COL25A1: variants seen among roughly 807,000 people sequenced by gnomAD.
COL25A1 encodes collagen alpha-1(XXV) chain.
In COL25A1, 103 loss-of-function variants were observed where a neutral mutation model predicts 128.4. The observed-to-expected ratio is 0.80, with a 90% confidence interval of 0.68 to 0.94. The LOEUF (loss-of-function observed/expected upper bound fraction) is 0.94. Among genes scored for constraint, COL25A1 ranks in the 40% least tolerant of loss-of-function variants. The pLI is 0.00. For synonymous variants in COL25A1, 279 were observed against 277.2 expected (o/e 1.01, Z -0.06); for missense variants, 745 against 840.0 (o/e 0.89, Z 1.40).
chr4:109,162,650 C>A (rs1772687903), intron 3 of COL25A1, among the ~76,000 whole-genome samples: 1 of 152,096 alleles, frequency 6.6e-6, no homozygotes, highest in Non-Finnish European at 1.5e-5. Context: ...AGTATGGGAG[C>A]TATAGAAATA....
intron 3 of COL25A1, among the ~76,000 whole-genome samples, chr4:109,055,455 C>A (rs1039417365): frequency 6.6e-6 from 1 of 152,194 alleles, no homozygotes; most frequent in South Asian, 2.1e-4. Flanking sequence ...TGCCCACAGT[C>A]CCACACAGCA....
chr4:109,212,028 G>A (rs1295984707), intron 3 of COL25A1, among the ~76,000 whole-genome samples: 1 of 151,962 alleles, frequency 6.6e-6, no homozygotes, highest in East Asian at 1.9e-4. Flanking sequence ...AAAACAATAT[G>A]TTATTTTAAT....
intron 32 of COL25A1, among the ~76,000 whole-genome samples, chr4:108,827,702 T>A (rs1269316152): frequency 6.6e-6 from 1 of 152,084 alleles, no homozygotes; most frequent in East Asian, 1.9e-4. Context: ...AGTTTTTAAA[T>A]TATTTGTAGA....
intron 5 of COL25A1, among the ~76,000 whole-genome samples, chr4:109,025,841 G>T (rs563003385): frequency 6.6e-6 from 1 of 151,986 alleles, no homozygotes; most frequent in Non-Finnish European, 1.5e-5. Context: ...CTACCATTTT[G>T]CAGTTGAACA....
chr4:108,824,075 G>C, intron 35 of COL25A1, 99 bp downstream of exon 35: 1 of 1,613,574 alleles, frequency 6.2e-7, no homozygotes, highest in Non-Finnish European at 8.5e-7. Context: ...GCACAGGATG[G>C]AGAAAGATTA....
chr4:109,242,512 C>G (rs1241497752), intron 3 of COL25A1, among the ~76,000 whole-genome samples: 1 of 152,046 alleles, frequency 6.6e-6, no homozygotes, highest in Non-Finnish European at 1.5e-5. Flanking sequence ...TAAGATGGAG[C>G]TTGAACTGGA....
intron 3 of COL25A1, among the ~76,000 whole-genome samples, chr4:109,074,911 A>T (rs1317343313): frequency 6.6e-6 from 1 of 152,220 alleles, no homozygotes; most frequent in Non-Finnish European, 1.5e-5. Context: ...AAGAATTGGT[A>T]ACATAAACTC....
intron 5 of COL25A1, among the ~76,000 whole-genome samples, chr4:109,035,928 T>G (rs1759307665): frequency 6.6e-6 from 1 of 151,250 alleles, no homozygotes; most frequent in South Asian, 2.1e-4. Flanking sequence ...TTATTTTTAT[T>G]TATTTATTTA....
chr4:109,143,435 A>C (rs1303637716), intron 3 of COL25A1, among the ~76,000 whole-genome samples: 1 of 151,948 alleles, frequency 6.6e-6, no homozygotes, highest in African/African-American at 2.4e-5. Context: ...GTATTTCCTG[A>C]ATTTGAATGT....
chr4:109,242,987 G>A (rs1780002239), intron 3 of COL25A1, among the ~76,000 whole-genome samples: 3 of 151,882 alleles, frequency 2.0e-5, no homozygotes, highest in Admixed American at 2.0e-4. Context: ...TTTTCATGCT[G>A]GACATTATAT....
chr4:109,218,359 T>TTTTTGTTTGTTTGTTTG, intron 3 of COL25A1, among the ~76,000 whole-genome samples: 1 of 112,232 alleles, frequency 8.9e-6, no homozygotes, highest in African/African-American at 4.6e-5. Context: ...TTTTTGGGGT[T>TTTTTGTTTGTTTGTTTG]TTTTTTTTTT....
intron 13 of COL25A1, among the ~76,000 whole-genome samples, chr4:108,917,397 C>G (rs902625164): frequency 2.0e-5 from 3 of 152,168 alleles, no homozygotes; most frequent in Non-Finnish European, 4.4e-5. Flanking sequence ...AGGCCAAGAA[C>G]TCTGGGGAAG....
At chr4:109,150,045 T>C (rs1194721590) in intron 3 of COL25A1, among the ~76,000 whole-genome samples, 1 of 151,474 alleles carries the variant, frequency 6.6e-6, no homozygotes, top group Non-Finnish European at 1.5e-5. Flanking sequence ...TGTATGTGTG[T>C]ATGTGTGAGT....
intron 5 of COL25A1, among the ~76,000 whole-genome samples, chr4:109,022,392 C>A (rs1215528017): frequency 6.6e-6 from 1 of 152,172 alleles, no homozygotes; most frequent in Non-Finnish European, 1.5e-5. Flanking sequence ...TTGGTTAAAT[C>A]CATTATCATC....
intron 11 of COL25A1, among the ~76,000 whole-genome samples, chr4:108,933,485 T>C (rs1747004861): frequency 6.6e-6 from 1 of 152,166 alleles, no homozygotes; most frequent in South Asian, 2.1e-4. Flanking sequence ...CAACTACAAA[T>C]AGGACAAAAG....
At chr4:108,877,266 T>C (rs1260081099) in intron 19 of COL25A1, among the ~76,000 whole-genome samples, 1 of 152,198 alleles carries the variant, frequency 6.6e-6, no homozygotes, top group Non-Finnish European at 1.5e-5. Context: ...ATCTTTCCAT[T>C]TAGGCAGTCA....
chr4:109,080,679 C>T (rs1560653607), intron 3 of COL25A1, among the ~76,000 whole-genome samples: 1 of 152,048 alleles, frequency 6.6e-6, no homozygotes, highest in Non-Finnish European at 1.5e-5. Flanking sequence ...CATGGGAGCC[C>T]TCTGTTTTTT....
Position 108,860,972 on chromosome 4 carries a change from C to A in COL25A1, c.1198-1G>T, listed in dbSNP as rs1291516472. Reference sequence around the variant, plus strand: ...AGTCCCCTTTTTCTCCACGATCCCCCTTTTCCCGTTGGAAAGAGAAAAAAC... The same window carrying A: ...AGTCCCCTTTTTCTCCACGATCCCCATTTTCCCGTTGGAAAGAGAAAAAAC... On this transcript the variant is annotated splice_acceptor_variant, in intron 22 of 37. Coordinates refer to ENST00000399132, the MANE Select transcript of COL25A1 (RefSeq NM_198721.4). LOFTEE classifies it high-confidence loss of function. The A allele has an allele frequency of 1.2e-6, 2 of 1,613,290 alleles. No individual in the cohort carries two copies. Among genetic ancestry groups the A allele is most frequent in the Non-Finnish European group, 1.7e-6 (2 of 1,179,526 alleles).
At chr4:109,119,291 C>T (rs548349703) in intron 3 of COL25A1, among the ~76,000 whole-genome samples, 4 of 151,856 alleles carry the variant, frequency 2.6e-5, no homozygotes, top group East Asian at 1.9e-4. Context: ...TAAGCTTCCA[C>T]ATTAGGAAAC....
Sources: allele counts gnomAD v4.1 joint callset (sites outside exome capture counted in the v4.1 genomes callset), GRCh38; gene constraint gnomAD v4.1.1; transcripts MANE v1.5; gene names NCBI Gene and HGNC (gene_info 2026-07-23, HGNC 2026-07-21).